The following DCC variants were observed in gnomAD, a reference collection of about 807,000 sequenced individuals.
DCC encodes netrin receptor DCC.
DCC carries 58 observed loss-of-function variants against 172.5 expected under a neutral mutation model. The ratio of observed to expected loss-of-function variants is 0.34; its 90% CI spans 0.27 to 0.42. The LOEUF is 0.42. Among genes scored for constraint, DCC ranks in the 10% least tolerant of loss-of-function variants. DCC has a pLI of 1.00. For synonymous variants in DCC, 709 were observed against 644.5 expected (o/e 1.10, Z -1.52); for missense variants, 1,740 against 1,791.0 (o/e 0.97, Z 0.51).
intron 7 of DCC, among the ~76,000 whole-genome samples, chr18:53,117,974 T>A (rs1405577291): frequency 6.6e-6 from 1 of 151,724 alleles, no homozygotes; most frequent in East Asian, 2.0e-4. Flanking sequence ...GCCAGATGGA[T>A]TTGGTCTTCA....
chr18:52,961,933 C>G (rs2040848818), intron 5 of DCC, among the ~76,000 whole-genome samples: 1 of 152,158 alleles, frequency 6.6e-6, no homozygotes, highest in South Asian at 2.1e-4. Context: ...GGATCCCTTC[C>G]TTACAGCTTA....
chr18:53,401,234 A>G (rs1025442929), intron 18 of DCC, among the ~76,000 whole-genome samples: 2 of 152,128 alleles, frequency 1.3e-5, no homozygotes, highest in Non-Finnish European at 2.9e-5. Context: ...ATTAGTATCT[A>G]TGCAGTCTTT....
intron 1 of DCC, among the ~76,000 whole-genome samples, chr18:52,346,613 G>T (rs926891940): frequency 2.0e-5 from 3 of 152,052 alleles, no homozygotes; most frequent in African/African-American, 7.2e-5. Context: ...TTTCAATATT[G>T]ATGGGAATTT....
intron 8 of DCC, among the ~76,000 whole-genome samples, chr18:53,164,050 GCAGGCACTCT>G (rs1439813397): frequency 2.0e-5 from 3 of 152,150 alleles, no homozygotes; most frequent in African/African-American, 7.2e-5. Flanking sequence ...ATAGTCCAAA[GCAGGCACTCT>G]CAATCCCTTT....
At chr18:53,490,377 TGTA>T (rs1457097868) in intron 26 of DCC, among the ~76,000 whole-genome samples, 1 of 152,242 alleles carries the variant, frequency 6.6e-6, no homozygotes, top group Admixed American at 6.5e-5. Context: ...AATCACATAT[TGTA>T]GTTTTTATAT....
intron 2 of DCC, among the ~76,000 whole-genome samples, chr18:52,759,706 A>T (rs117145315): frequency 0.017 from 2,565 of 152,360 alleles, 42 homozygotes; most frequent in Middle Eastern, 0.051. Context: ...TTCAAATCAT[A>T]GTAATGTGAG....
intron 2 of DCC, among the ~76,000 whole-genome samples, chr18:52,873,824 G>T (rs1481508643): frequency 6.6e-6 from 1 of 152,190 alleles, no homozygotes; most frequent in African/African-American, 2.4e-5. Flanking sequence ...AGTTTTCCAT[G>T]AGTAGAATGT....
intron 1 of DCC, among the ~76,000 whole-genome samples, chr18:52,443,498 G>A (rs932476939): frequency 3.3e-5 from 5 of 152,168 alleles, no homozygotes; most frequent in Admixed American, 6.5e-5. Context: ...AACTCTGCTC[G>A]ATAAAGACTC....
intron 1 of DCC, among the ~76,000 whole-genome samples, chr18:52,585,926 AC>A (rs1313109677): frequency 2.0e-5 from 3 of 152,044 alleles, no homozygotes; most frequent in Non-Finnish European, 2.9e-5. Flanking sequence ...TACTAAAAAT[AC>A]AAAAAATTAG....
chr18:53,529,036 TCTCACACACACA>T (rs1429457925), intron 28 of DCC, among the ~76,000 whole-genome samples: 14 of 46,814 alleles, frequency 3.0e-4, no homozygotes, highest in African/African-American at 1.1e-3. Context: ...TCTCTCTCTC[TCTCACACACACA>T]CACACACACA....
intron 1 of DCC, among the ~76,000 whole-genome samples, chr18:52,655,939 C>T (rs1222524729): frequency 1.3e-5 from 2 of 148,886 alleles, no homozygotes; most frequent in Non-Finnish European, 3.0e-5. Context: ...CCCGCCTGCC[C>T]TCTCCATTAA....
At chr18:53,388,295 C>CA (rs71175590) in intron 16 of DCC, among the ~76,000 whole-genome samples, 29,533 of 152,028 alleles carry the variant, frequency 0.19, 3,258 homozygotes, top group East Asian at 0.32. Flanking sequence ...GAACAAAGAA[C>CA]AAATAAATGA....
At chr18:52,356,048 C>T (rs1342510740) in intron 1 of DCC, among the ~76,000 whole-genome samples, 2 of 152,156 alleles carry the variant, frequency 1.3e-5, no homozygotes, top group Non-Finnish European at 2.9e-5. Flanking sequence ...CTTCCCTGGT[C>T]ACTAGCCTTT....
intron 12 of DCC, among the ~76,000 whole-genome samples, chr18:53,278,275 G>GACT (rs2056829857): frequency 6.6e-6 from 1 of 152,050 alleles, no homozygotes; most frequent in Non-Finnish European, 1.5e-5. Flanking sequence ...TTCTAGAAAA[G>GACT]ACTAGAATTT....
chr18:53,328,745 G>A (rs1412565019), intron 14 of DCC, among the ~76,000 whole-genome samples: 2 of 152,236 alleles, frequency 1.3e-5, no homozygotes, highest in Middle Eastern at 3.4e-3. Context: ...ACGTGGGCCA[G>A]GCTGGTCTTG....
rs145893908 is a variant in DCC, at chr18:53,304,171, G to C, written c.1912-1407G>C. 3.3e-3 allele frequency among the ~76,000 whole-genome samples: 499 copies of C among 152,216 alleles called. 2 individuals are homozygous for C. The highest frequency in any genetic ancestry group is 0.011 in the African/African-American group (470 of 41,542). ...GGTTAATATGGGTACAGGATAGGGG[G>C]ACATGGCAGGCCAAAAGGCAACATT... On this transcript the variant is annotated intron_variant, in intron 12 of 28. Coordinates refer to ENST00000442544, the MANE Select transcript of DCC (RefSeq NM_005215.4).
At chr18:52,780,055 G>A (rs1268889393) in intron 2 of DCC, among the ~76,000 whole-genome samples, 4 of 148,308 alleles carry the variant, frequency 2.7e-5, no homozygotes, top group East Asian at 1.9e-4. Flanking sequence ...CTACTTCATC[G>A]TGGCCTTTTA....
chr18:52,640,875 C>A (rs1341619672), intron 1 of DCC, among the ~76,000 whole-genome samples: 3 of 152,048 alleles, frequency 2.0e-5, no homozygotes, highest in Non-Finnish European at 2.9e-5. Flanking sequence ...TTCTAAAATT[C>A]ATATGGAACC....
chr18:52,922,365 A>C (rs1413909001), intron 3 of DCC, among the ~76,000 whole-genome samples: 1 of 152,118 alleles, frequency 6.6e-6, no homozygotes, highest in Non-Finnish European at 1.5e-5. Context: ...GGTCAGGCTA[A>C]TGAAGACTAA....
Sources: allele counts gnomAD v4.1 joint callset (sites outside exome capture counted in the v4.1 genomes callset), GRCh38; gene constraint gnomAD v4.1.1; transcripts MANE v1.5; gene names NCBI Gene and HGNC (gene_info 2026-07-23, HGNC 2026-07-21).